Variants in ANKRD29 observed in about 807,000 individuals in gnomAD.
The protein encoded by ANKRD29 is ankyrin repeat domain 29.
ANKRD29 carries 32 observed loss-of-function variants against 38.0 expected under a neutral mutation model. The observed-to-expected ratio is 0.84, with a 90% CI of 0.64 to 1.13. ANKRD29 has a LOEUF of 1.13. Ranked by LOEUF, ANKRD29 falls within the 50% of genes most tolerant of loss-of-function variation. ANKRD29 has a pLI of 0.00. For synonymous variants in ANKRD29, 135 were observed against 152.4 expected (o/e 0.89, Z 0.84); for missense variants, 357 against 377.9 (o/e 0.94, Z 0.46).
chr18:23,628,072 T>C (rs912168598), intron 6 of ANKRD29, among the ~76,000 whole-genome samples: 6 of 152,194 alleles, frequency 3.9e-5, no homozygotes, highest in African/African-American at 1.2e-4. Flanking sequence ...GAAATATTGA[T>C]TGAATGTTGA....
intron 1 of ANKRD29, among the ~76,000 whole-genome samples, chr18:23,657,414 C>T (rs1457779881): frequency 6.6e-6 from 1 of 152,218 alleles, no homozygotes; most frequent in Non-Finnish European, 1.5e-5. Flanking sequence ...AAGCCTTCTC[C>T]TCATTCCCTA....
chr18:23,624,902 C>T (rs186670922), intron 6 of ANKRD29, among the ~76,000 whole-genome samples: 1 of 152,262 alleles, frequency 6.6e-6, no homozygotes, highest in African/African-American at 2.4e-5. Context: ...ATGACACAAC[C>T]TGTATTAGAG....
intron 2 of ANKRD29, 128 bp from the exon 3 acceptor site, chr18:23,646,415 TA>T: frequency 3.0e-6 from 2 of 661,962 alleles, no homozygotes; most frequent in African/African-American, 1.8e-5. Flanking sequence ...CCTGCAGTGA[TA>T]AAAGTGGTCA....
chr18:23,662,241 G>A (rs1363751145), intron 1 of ANKRD29, among the ~76,000 whole-genome samples: 1 of 152,202 alleles, frequency 6.6e-6, no homozygotes, highest in African/African-American at 2.4e-5. Context: ...CAACTCTTTT[G>A]AGACAAGACA....
At chr18:23,635,746 T>C (rs2059994454) in intron 4 of ANKRD29, among the ~76,000 whole-genome samples, 1 of 152,116 alleles carries the variant, frequency 6.6e-6, no homozygotes, top group Non-Finnish European at 1.5e-5. Context: ...TGACCAGTCA[T>C]GTGGGTTGAT....
At chr18:23,623,105 G>A (rs908165562) in intron 6 of ANKRD29, among the ~76,000 whole-genome samples, 3 of 152,216 alleles carry the variant, frequency 2.0e-5, no homozygotes, top group Non-Finnish European at 4.4e-5. Flanking sequence ...AGATGCTTAG[G>A]AAATGTTAAT....
intron 6 of ANKRD29, 113 bp from the exon 7 acceptor site, chr18:23,619,742 T>A: frequency 4.9e-6 from 4 of 817,876 alleles, no homozygotes; most frequent in Non-Finnish European, 5.6e-6. Context: ...AGGCACTCCC[T>A]GACCGCAGAT....
intron 6 of ANKRD29, among the ~76,000 whole-genome samples, chr18:23,627,188 A>ATAAAATTTAATACTGT (rs1205983171): frequency 6.6e-6 from 1 of 152,246 alleles, no homozygotes; most frequent in East Asian, 1.9e-4. Flanking sequence ...AGCTCACAGT[A>ATAAAATTTAATACTGT]GGTAATAAAA....
intron 5 of ANKRD29, among the ~76,000 whole-genome samples, chr18:23,633,778 C>T (rs2059963922): frequency 6.6e-6 from 1 of 152,098 alleles, no homozygotes. Flanking sequence ...ACCATGTTGG[C>T]CAGGCTGGTC....
chr18:23,661,103 T>C (rs545899440), intron 1 of ANKRD29, among the ~76,000 whole-genome samples: 72 of 152,210 alleles, frequency 4.7e-4, no homozygotes, highest in Admixed American at 3.9e-3. Flanking sequence ...TGCTTCTGAG[T>C]TTTCTCATTC....
intron 1 of ANKRD29, among the ~76,000 whole-genome samples, chr18:23,650,605 G>C (rs923015989): frequency 3.3e-5 from 5 of 152,168 alleles, no homozygotes; most frequent in African/African-American, 1.2e-4. Context: ...TCGACGAGAG[G>C]GAAGAACTGG....
At chr18:23,616,566 A>T (rs7227149) in intron 8 of ANKRD29, among the ~76,000 whole-genome samples, 9 of 136,618 alleles carry the variant, frequency 6.6e-5, no homozygotes, top group Non-Finnish European at 9.1e-5. Flanking sequence ...ATATATATAC[A>T]CTATATATAC....
rs560600567 is a variant in ANKRD29 at position 23,650,110 on chromosome 18, T to C, written c.22-917A>G. On this transcript the variant is annotated intron_variant, in intron 1 of 9. Coordinates refer to ENST00000592179, the MANE Select transcript of ANKRD29 (RefSeq NM_173505.4). ...AAGGAACTTAGGGCAAATAATGCCA[T>C]TACATGTCTTCATATGGATCCTTCA... is the stretch of plus-strand genomic sequence containing the variant. Among the ~76,000 whole-genome samples the C allele has an allele frequency of 9.2e-5, 14 of 152,116 alleles. No homozygotes were observed. The East Asian group carries it at 2.3e-3, about 25-fold the overall frequency.
At chr18:23,621,079 T>G (rs536119886) in intron 6 of ANKRD29, among the ~76,000 whole-genome samples, 1 of 152,252 alleles carries the variant, frequency 6.6e-6, no homozygotes, top group Non-Finnish European at 1.5e-5. Context: ...AGTCTGACTC[T>G]TAGGTCCCTT....
In ANKRD29 at chr18:23,615,937, GTATATAATA is replaced by G. The variant is rs2059706958; in HGVS notation, c.723+1786_723+1794del. ...CTATATAGTATGTATATATTATATA[GTATATAATA>G]TATACATACTATATGTATGTATATA... On this transcript the variant is annotated intron_variant, in intron 8 of 9. Coordinates refer to ENST00000592179, the MANE Select transcript of ANKRD29 (RefSeq NM_173505.4). Among the ~76,000 whole-genome samples the G allele has an allele frequency of 1.5e-5, 2 of 133,944 alleles. 1 individual carries two copies. The highest frequency in any genetic ancestry group is 5.4e-4 in the South Asian group (2 of 3,720). The allele number at this position is 133,944 out of a possible 152,430, so 87.9% of individuals were successfully genotyped here.
intron 1 of ANKRD29, among the ~76,000 whole-genome samples, chr18:23,656,426 T>C (rs1461752164): frequency 6.6e-6 from 1 of 152,200 alleles, no homozygotes; most frequent in Non-Finnish European, 1.5e-5. Flanking sequence ...CTAGGGCCTA[T>C]GAGTCTTTCA....
Position 23,617,802 on chromosome 18 carries a change from G to A in ANKRD29, c.653C>T (p.Ala218Val), listed in dbSNP as rs775813631. ...GACATCATTATACCCTTTGTTGGCT[G>A]CTTTCAATAATGCTGTTGTGCCATC... The part of the protein sequence containing the change: ...RNDGTTALLK[A>V]ANKGYNDVIK... The change falls in exon 8 of 10, where the codon GCA becomes GTA. Residue 218 changes from alanine (A) to valine (V), a missense_variant. Ala to Val is a moderately conservative substitution (Grantham distance 64). Coordinates refer to ENST00000592179, the MANE Select transcript of ANKRD29 (RefSeq NM_173505.4). 8 of 1,614,036 alleles carry A rather than the reference G, an allele frequency of 5.0e-6. No individual in the cohort carries two copies. Among genetic ancestry groups the A allele is most frequent in the Non-Finnish European group, 6.8e-6 (8 of 1,179,944 alleles).
At chr18:23,627,025 GCT>G (rs1272291526) in intron 6 of ANKRD29, among the ~76,000 whole-genome samples, 4 of 152,196 alleles carry the variant, frequency 2.6e-5, no homozygotes, top group Non-Finnish European at 4.4e-5. Flanking sequence ...GTTTCCAAAT[GCT>G]CTACCTATAG....
chr18:23,660,035 C>T (rs781702701), intron 1 of ANKRD29, among the ~76,000 whole-genome samples: 29 of 152,058 alleles, frequency 1.9e-4, no homozygotes, highest in Admixed American at 6.5e-4. Context: ...TGCTTGAGCC[C>T]GGGAGGCAGA....
Sources: gnomAD v4.1 joint callset for allele counts (sites outside exome capture counted in the v4.1 genomes callset) on GRCh38, gnomAD v4.1.1 for gene constraint, MANE v1.5 for transcripts, NCBI Gene and HGNC (gene_info 2026-07-23, HGNC 2026-07-21) for gene names.